The following FBN1 variants were observed in gnomAD, a reference collection of about 807,000 sequenced individuals.
FBN1 encodes the protein fibrillin-1.
A neutral mutation model predicts 365.1 loss-of-function variants in FBN1; 29 were observed. The observed-to-expected ratio is 0.08, with a 90% CI of 0.06 to 0.11. The LOEUF (loss-of-function observed/expected upper bound fraction) is 0.11, where lower values mean the gene tolerates loss of function less well. FBN1 is among the 10% of genes least tolerant of loss of function. The pLI is 1.00. For missense variants in FBN1, 2,476 were observed against 3,703.2 expected, an observed-to-expected ratio of 0.67 and a Z score of 8.60; for synonymous variants, 1,210 against 1,270.5, an observed-to-expected ratio of 0.95 and a Z score of 1.01.
chr15:48,472,978 A>G (rs2043390541), intron 34 of FBN1, among the ~76,000 whole-genome samples: 1 of 152,228 alleles, frequency 6.6e-6, no homozygotes, highest in Non-Finnish European at 1.5e-5. Context: ...ACAGGAAATG[A>G]CACATCATGT....
Position 48,495,467 on chromosome 15 carries a change from A to G in FBN1, c.2539+2T>C. 2 of 1,613,898 alleles carry G rather than the reference A, an allele frequency of 1.2e-6. No individual in the cohort carries two copies. The highest frequency in any genetic ancestry group is 8.5e-7 in the Non-Finnish European group (1 of 1,179,920). The stretch of plus-strand genomic sequence containing the variant: ...AAAAATCATTCTCAGAAAGATAAAT[A>G]CCTATGCAGATGGTTTTTGTTGGAT... On this transcript the variant is annotated splice_donor_variant, in intron 21 of 65. Transcript: ENST00000316623. LOFTEE classifies it high-confidence loss of function.
chr15:48,575,459 T>C (rs1346038558), intron 6 of FBN1, among the ~76,000 whole-genome samples: 1 of 152,186 alleles, frequency 6.6e-6, no homozygotes, highest in African/African-American at 2.4e-5. Context: ...TTGTGAGCAT[T>C]GTACCCAATA....
At position 48,534,116 on chromosome 15, in the gene FBN1, C is replaced by T. The variant is rs1220647446; in HGVS notation, c.826G>A (p.Gly276Arg). The change falls in exon 8 of 66, where the codon GGA (glycine) becomes AGA (arginine). Residue 276 changes from glycine to arginine, a missense_variant. This residue lies in a region of FBN1 where 421 missense variants were observed against 520.1 expected (regional missense o/e 0.81). Coordinates refer to ENST00000316623, the MANE Select transcript of FBN1 (RefSeq NM_000138.5). ...VGSFECKCPAGHKLNEVSQKC... is the reference protein window; with the variant it reads ...VGSFECKCPARHKLNEVSQKC... The stretch of plus-strand genomic sequence containing the variant: ...TGTGACACTTCATTAAGTTTGTGTC[C>T]AGCAGGGCATTTGCACTCAAAAGAC... The T allele has an allele frequency of 9.9e-6, 16 of 1,613,112 alleles. No individual in the cohort carries two copies. The highest frequency in any genetic ancestry group is 1.3e-5 in the Non-Finnish European group (15 of 1,179,830).
chr15:48,498,865 T>C, intron 18 of FBN1, 120 bp downstream of exon 18: 2 of 955,052 alleles, frequency 2.1e-6, no homozygotes, highest in South Asian at 2.6e-5. Flanking sequence ...CATGGCACAG[T>C]GATGGCCAGA....
At chr15:48,630,746 A>AG (rs1284538663) in intron 2 of FBN1, among the ~76,000 whole-genome samples, 2,817 of 145,202 alleles carry the variant, frequency 0.019, 118 homozygotes, top group African/African-American at 0.074. Flanking sequence ...AAAAAAAAAA[A>AG]AAAAGAAAAG....
At chr15:48,481,390 C>A (rs974369981) in intron 32 of FBN1, among the ~76,000 whole-genome samples, 3 of 152,056 alleles carry the variant, frequency 2.0e-5, no homozygotes, top group Admixed American at 2.0e-4. Context: ...TGATTTTTAA[C>A]CTCATAAAAA....
chr15:48,414,982 T>C (rs1025634443), intron 64 of FBN1, among the ~76,000 whole-genome samples: 7 of 152,182 alleles, frequency 4.6e-5, no homozygotes, highest in African/African-American at 1.7e-4. Flanking sequence ...TTTTTCTTTT[T>C]TTAACCAGGA....
At chr15:48,532,747 T>C (rs1342624555) in intron 8 of FBN1, among the ~76,000 whole-genome samples, 1 of 152,100 alleles carries the variant, frequency 6.6e-6, no homozygotes, top group Non-Finnish European at 1.5e-5. Context: ...GTGCCAACAT[T>C]CTCTGCTTCA....
chr15:48,468,482 G>A lies in FBN1; in HGVS notation c.4512C>T (p.Asn1504=). 1 of 1,614,102 alleles carries A rather than the reference G, an allele frequency of 6.2e-7. No individual in the cohort carries two copies. The highest frequency in any genetic ancestry group is 8.5e-7 in the Non-Finnish European group (1 of 1,179,988). Residue 1504 remains asparagine, a synonymous_variant, in exon 37 of 66, where the codon AAC becomes AAT. Transcript: ENST00000316623. The stretch of plus-strand genomic sequence containing the variant: ...AGTCACAGATATAGCTGCCTGGAGT[G>A]TTGACACAGTTCCCACTGATGCACG... ...PTTCISGNCV[N]TPGSYICDCP... is the part of the protein sequence containing the mutation.
At chr15:48,593,132 C>T (rs2044491098) in intron 6 of FBN1, among the ~76,000 whole-genome samples, 1 of 152,188 alleles carries the variant, frequency 6.6e-6, no homozygotes, top group South Asian at 2.1e-4. Context: ...TCTGCTGCTT[C>T]TCTCCATCAC....
rs267606800 is a variant in FBN1 at position 48,467,994 on chromosome 15, C to T, written c.4691G>A (p.Cys1564Tyr). ...GVGVSKASCC[C>Y]SLGKAWGTPC... ...AGTACCCCAGGCTTTACCCAGAGAA[C>T]AGCAGCAGGAAGCTTTGGAAACACC... Residue 1564 changes from cysteine to tyrosine, a missense_variant, in exon 38 of 66, where the codon TGT (cysteine) becomes TAT (tyrosine). This residue lies in a region of FBN1 where 1,780 missense variants were observed against 2,840.8 expected (regional missense o/e 0.63). Coordinates refer to ENST00000316623, the MANE Select transcript of FBN1 (RefSeq NM_000138.5). 6.2e-7 allele frequency: 1 copy of T among 1,614,164 alleles called. No individual in the cohort carries two copies. Among genetic ancestry groups the T allele is most frequent in the Non-Finnish European group, 8.5e-7 (1 of 1,180,002 alleles).
At chr15:48,528,061 A>G (rs1044750190) in intron 8 of FBN1, among the ~76,000 whole-genome samples, 1 of 152,260 alleles carries the variant, frequency 6.6e-6, no homozygotes, top group African/African-American at 2.4e-5. Flanking sequence ...AGAAGAATGT[A>G]CCTTTTTCAA....
intron 5 of FBN1, among the ~76,000 whole-genome samples, chr15:48,597,717 A>C (rs2044526797): frequency 6.6e-6 from 1 of 152,236 alleles, no homozygotes; most frequent in Non-Finnish European, 1.5e-5. Context: ...GCCATTACTC[A>C]TCATATAACC....
At chr15:48,611,243 T>G (rs894722381) in intron 3 of FBN1, among the ~76,000 whole-genome samples, 2 of 152,178 alleles carry the variant, frequency 1.3e-5, no homozygotes, top group South Asian at 2.1e-4. Flanking sequence ...GGGAGCCAAT[T>G]TTATTGTAAA....
In FBN1 at chr15:48,415,711, G is replaced by C. The variant is rs2042898824; in HGVS notation, c.7876C>G (p.Leu2626Val). 8 of 1,614,240 alleles carry C rather than the reference G, an allele frequency of 5.0e-6. No individual in the cohort carries two copies. The highest frequency in any genetic ancestry group is 2.2e-5 in the East Asian group (1 of 44,890). ...ICGGASCHNTLGSYKCMCPAG... is the reference protein window; with the variant it reads ...ICGGASCHNTVGSYKCMCPAG... ...GGACACATGCACTTGTAGCTCCCCA[G>C]GGTGTTGTGACAGGAGGCTCCTCCG... Residue 2626 changes from leucine to valine, a missense_variant, in exon 64 of 66, where the codon CTG becomes GTG. Coordinates refer to ENST00000316623, the MANE Select transcript of FBN1 (RefSeq NM_000138.5).
chr15:48,576,521 C>T (rs1335671704), intron 6 of FBN1, among the ~76,000 whole-genome samples: 1 of 152,128 alleles, frequency 6.6e-6, no homozygotes, highest in African/African-American at 2.4e-5. Context: ...TTTTATTGGT[C>T]TTTGTGCCTT....
At chr15:48,476,610 C>CT (rs56969171) in intron 32 of FBN1, 2,400 of 120,010 alleles carry the variant, frequency 0.02, 44 homozygotes, top group Middle Eastern at 0.03. Context: ...CTTTTCTTTT[C>CT]TTTTTTTTTT....
intron 6 of FBN1, among the ~76,000 whole-genome samples, chr15:48,549,114 C>T (rs1035037231): frequency 1.3e-5 from 2 of 152,208 alleles, no homozygotes; most frequent in African/African-American, 4.8e-5. Flanking sequence ...AGTTGTACGG[C>T]TAAAAGTTAG....
At chr15:48,452,785 T>C in intron 44 of FBN1, 101 bp from the exon 45 acceptor site, 1 of 1,377,956 alleles carries the variant, frequency 7.3e-7, no homozygotes, top group Non-Finnish European at 1.0e-6. Context: ...TTTTGATCTG[T>C]TCTATTGAAA....
Sources: allele counts gnomAD v4.1 joint callset (sites outside exome capture counted in the v4.1 genomes callset), GRCh38; gene constraint gnomAD v4.1.1; regional missense constraint gnomAD v4.1.1; transcripts MANE v1.5; gene names NCBI Gene and HGNC (gene_info 2026-07-23, HGNC 2026-07-21).